The following BBS12 variants were observed in gnomAD, a reference collection of about 807,000 sequenced individuals.
BBS12 encodes the protein chaperonin-containing T-complex member BBS12.
Under a neutral mutation model 5.6 loss-of-function variants are expected in BBS12, and 5 were observed. The observed-to-expected ratio is 0.89, with a 90% CI of 0.46 to 1.86. BBS12 has a LOEUF of 1.86. Among genes scored for constraint, BBS12 ranks in the 40% most tolerant of loss-of-function variants. The pLI is 0.01. For missense variants in BBS12, 748 were observed against 830.4 expected, an observed-to-expected ratio of 0.90 and a Z score of 1.22; for synonymous variants, 308 against 306.8, an observed-to-expected ratio of 1.00 and a Z score of -0.04.
chr4:122,722,119 C>G, the BBS12 span, among the ~76,000 whole-genome samples: 1 of 152,052 alleles, frequency 6.6e-6, no homozygotes, highest in Non-Finnish European at 1.5e-5. Context: ...TGGTGTGAGA[C>G]TGGGGGTCAA....
At chr4:122,705,245 G>A in the BBS12 span, among the ~76,000 whole-genome samples, 2 of 152,324 alleles carry the variant, frequency 1.3e-5, no homozygotes, top group Non-Finnish European at 2.9e-5. Context: ...TCAGCCCTCA[G>A]ACACGTGAGT....
chr4:122,717,637 C>T, the BBS12 span, among the ~76,000 whole-genome samples: 1 of 152,190 alleles, frequency 6.6e-6, no homozygotes, highest in Non-Finnish European at 1.5e-5. Flanking sequence ...TCAGGCAATC[C>T]TCCCACCTCA....
At chr4:122,706,741 C>A in the BBS12 span, among the ~76,000 whole-genome samples, 1 of 152,104 alleles carries the variant, frequency 6.6e-6, no homozygotes, top group Non-Finnish European at 1.5e-5. Flanking sequence ...TTGGAAGAAT[C>A]TCTAGTTCTT....
At chr4:122,702,685 C>G in the BBS12 span, among the ~76,000 whole-genome samples, 1 of 152,204 alleles carries the variant, frequency 6.6e-6, no homozygotes, top group Non-Finnish European at 1.5e-5. Context: ...ACCCTTTATT[C>G]GCAAAGGATG....
Position 122,743,138 on chromosome 4 carries a change from G to A in BBS12, c.1246G>A (p.Gly416Arg), listed in dbSNP as rs751384954. 1.9e-6 allele frequency: 3 copies of A among 1,614,248 alleles called. No individual in the cohort carries two copies. The South Asian group carries it at 3.3e-5, about 18-fold the overall frequency. ...CAAGGTGAACCTTGTCCTGGTACAAGGAAATGTGTCCGAACGCTTAATTGA... is the reference window on the plus strand; with the variant it reads ...CAAGGTGAACCTTGTCCTGGTACAAAGAAATGTGTCCGAACGCTTAATTGA... ...QFKVNLVLVQ[G>R]NVSERLIEKC... is the part of the protein sequence containing the mutation. The change falls in exon 2 of 2, where the codon GGA becomes AGA. Residue 416 changes from glycine to arginine, a missense_variant. Transcript: ENST00000314218.
At chr4:122,711,040 T>G in the BBS12 span, among the ~76,000 whole-genome samples, 1 of 152,208 alleles carries the variant, frequency 6.6e-6, no homozygotes, top group Non-Finnish European at 1.5e-5. Flanking sequence ...AAAAATAGAT[T>G]GTTTAACTCA....
At chr4:122,709,116 C>T in the BBS12 span, among the ~76,000 whole-genome samples, 2 of 151,880 alleles carry the variant, frequency 1.3e-5, no homozygotes, top group African/African-American at 4.8e-5. Context: ...TCAACAAAAA[C>T]GTAACATAGG....
the BBS12 span, among the ~76,000 whole-genome samples, chr4:122,709,740 C>T: frequency 6.6e-6 from 1 of 151,998 alleles, no homozygotes; most frequent in African/African-American, 2.4e-5. Flanking sequence ...CTGCAACCTC[C>T]ACTTCCTGGG....
chr4:122,721,200 T>C, the BBS12 span, among the ~76,000 whole-genome samples: 1 of 152,132 alleles, frequency 6.6e-6, no homozygotes, highest in Non-Finnish European at 1.5e-5. Flanking sequence ...CAAAGAGTTA[T>C]TTAGGCTGAT....
chr4:122,731,231 G>A (rs952849588), upstream of BBS12: 7 of 152,142 alleles, frequency 4.6e-5, no homozygotes, highest in Non-Finnish European at 2.9e-5. Context: ...CAAAATGGAA[G>A]GTTGTATCTT....
chr4:122,716,680 T>C, the BBS12 span, among the ~76,000 whole-genome samples: 333 of 69,544 alleles, frequency 4.8e-3, 19 homozygotes, highest in African/African-American at 0.017. Context: ...TGTGTATATA[T>C]ACACATATGT....
At chr4:122,712,295 C>T in the BBS12 span, among the ~76,000 whole-genome samples, 1 of 152,226 alleles carries the variant, frequency 6.6e-6, no homozygotes, top group Admixed American at 6.5e-5. Context: ...AGAACCTTGA[C>T]TAAAATAGAT....
the BBS12 span, among the ~76,000 whole-genome samples, chr4:122,711,320 G>A: frequency 6.6e-6 from 1 of 150,834 alleles, no homozygotes; most frequent in African/African-American, 2.4e-5. Flanking sequence ...ATCTGATGCC[G>A]TTTAAATCAT....
chr4:122,739,805 A>G (rs929863676), intron 1 of BBS12, among the ~76,000 whole-genome samples: 1 of 152,266 alleles, frequency 6.6e-6, no homozygotes, highest in African/African-American at 2.4e-5. Context: ...TCTCCCCTAC[A>G]TGTTTAGCAT....
chr4:122,700,927 T>G, the BBS12 span, among the ~76,000 whole-genome samples: 56 of 152,344 alleles, frequency 3.7e-4, no homozygotes, highest in South Asian at 8.7e-3. Context: ...TAAAAAGCTC[T>G]TGATCTACTA....
the BBS12 span, among the ~76,000 whole-genome samples, chr4:122,725,304 A>G: frequency 8.4e-4 from 128 of 152,318 alleles, 1 homozygote; most frequent in African/African-American, 2.9e-3. Context: ...CCGCATAGCC[A>G]AAGCAAGACT....
Position 122,743,502 on chromosome 4 carries a change from T to C in BBS12, c.1610T>C (p.Leu537Pro), listed in dbSNP as rs1297963971. The C allele has an allele frequency of 1.2e-6, 2 of 1,614,110 alleles. No individual in the cohort carries two copies. The highest frequency in any genetic ancestry group is 2.7e-5 in the African/African-American group (2 of 74,944). ...YYALKEEKVFLGGGAVEFLCL... is the reference protein window; with the variant it reads ...YYALKEEKVFPGGGAVEFLCL... ...GCTCTAAAAGAGGAAAAGGTCTTCC[T>C]TGGAGGTGGTGCAGTTGAATTTTTG... Residue 537 changes from leucine to proline, a missense_variant, in exon 2 of 2, where the codon CTT becomes CCT. Physicochemically the swap from Leu to Pro is moderately conservative, Grantham distance 98 (BLOSUM62 -3). Transcript: ENST00000314218.
chr4:122,703,895 G>C, the BBS12 span, among the ~76,000 whole-genome samples: 2 of 152,094 alleles, frequency 1.3e-5, no homozygotes, highest in Non-Finnish European at 2.9e-5. Flanking sequence ...TGTTGCCCAG[G>C]TTGGAGAGTG....
At chr4:122,736,575 A>G (rs1223892721) in intron 1 of BBS12, among the ~76,000 whole-genome samples, 1 of 152,134 alleles carries the variant, frequency 6.6e-6, no homozygotes, top group African/African-American at 2.4e-5. Context: ...TCCATTACAC[A>G]CTTAGAAACT....
Sources: gnomAD v4.1 joint callset for allele counts (sites outside exome capture counted in the v4.1 genomes callset) on GRCh38, gnomAD v4.1.1 for gene constraint, MANE v1.5 for transcripts, NCBI Gene and HGNC (gene_info 2026-07-23, HGNC 2026-07-21) for gene names.